The following RAD51B variants were observed in gnomAD, a reference collection of about 807,000 sequenced individuals.
The protein encoded by RAD51B is RAD51 paralog B.
RAD51B carries 38 observed loss-of-function variants against 42.2 expected under a neutral mutation model. That is an observed-to-expected ratio of 0.90 (90% CI 0.70 to 1.18). RAD51B has a LOEUF of 1.18. Among genes scored for constraint, RAD51B ranks in the 50% most tolerant of loss-of-function variants. The pLI is 0.00. For synonymous variants in RAD51B, 154 were observed against 145.2 expected (o/e 1.06, Z -0.43); for missense variants, 373 against 400.7 (o/e 0.93, Z 0.59).
rs962414262 is a variant in RAD51B, at chr14:67,861,903, G to T, written c.316-3100G>T. Among the ~76,000 whole-genome samples, 4 of 151,314 alleles carry T rather than the reference G, an allele frequency of 2.6e-5. No individual in the cohort carries two copies. In the South Asian group the frequency reaches 8.3e-4, roughly 31 times the overall value. On this transcript the variant is annotated intron_variant, in intron 4 of 10. Coordinates refer to ENST00000471583, the MANE Select transcript of RAD51B (RefSeq NM_133510.4). The stretch of plus-strand genomic sequence containing the variant: ...ATGTGTGTCTTATGAAAATTTATCT[G>T]CACTCTTAAAAAATACTTGGAAAAA...
At chr14:68,331,098 T>A (rs546987690) in intron 8 of RAD51B, among the ~76,000 whole-genome samples, 12 of 152,024 alleles carry the variant, frequency 7.9e-5, no homozygotes, top group Non-Finnish European at 1.3e-4. Context: ...GCGCGGTGGC[T>A]CACGCCTGTA....
rs1882834760 is a variant in RAD51B, at chr14:68,477,862, G to A, written c.*198G>A. On this transcript the variant is annotated 3_prime_UTR_variant, in exon 11 of 11. Transcript: ENST00000471583. ...TAGCAGGGAAGGTGAAGATGAAGAA[G>A]CCTTTGTTCAGGTCTCTAGATGTGT... 1 of 1,422,566 alleles carries A rather than the reference G, an allele frequency of 7.0e-7. No homozygotes were observed. The highest frequency in any genetic ancestry group is 9.2e-7 in the Non-Finnish European group (1 of 1,090,384). 88.1% of individuals were successfully genotyped at this position (1,422,566 alleles called of 1,614,324 possible). A position where few individuals can be genotyped will look rare whatever the true frequency, so the allele number is the denominator to read the frequency against.
At chr14:68,101,849 TC>T (rs1448816293) in intron 7 of RAD51B, among the ~76,000 whole-genome samples, 1 of 152,238 alleles carries the variant, frequency 6.6e-6, no homozygotes, top group Non-Finnish European at 1.5e-5. Context: ...ACCCGACATT[TC>T]CCTTCTGCAC....
At chr14:67,852,925 T>C (rs2041874565) in intron 4 of RAD51B, among the ~76,000 whole-genome samples, 1 of 152,238 alleles carries the variant, frequency 6.6e-6, no homozygotes, top group Admixed American at 6.5e-5. Context: ...ATGATTATTA[T>C]ATGTTATATG....
chr14:68,488,112 T>G (rs889389732), intron 10 of RAD51B, among the ~76,000 whole-genome samples: 20 of 151,516 alleles, frequency 1.3e-4, no homozygotes, highest in Admixed American at 6.6e-5. Context: ...GGTTATTACA[T>G]GGAAAGACAA....
chr14:68,551,133 C>T (rs1409450287), intron 10 of RAD51B, among the ~76,000 whole-genome samples: 1 of 152,180 alleles, frequency 6.6e-6, no homozygotes, highest in East Asian at 1.9e-4. Context: ...CCTCAGCACT[C>T]ACTACCCAGT....
intron 8 of RAD51B, among the ~76,000 whole-genome samples, chr14:68,299,765 T>C (rs2081687190): frequency 1.3e-5 from 2 of 152,208 alleles, no homozygotes; most frequent in African/African-American, 2.4e-5. Flanking sequence ...TTTGTAAGGA[T>C]ACAATTGAGA....
intron 7 of RAD51B, among the ~76,000 whole-genome samples, chr14:67,891,227 A>G (rs1332057310): frequency 1.3e-5 from 2 of 152,156 alleles, no homozygotes; most frequent in African/African-American, 2.4e-5. Flanking sequence ...AGGTTTATGG[A>G]GATAAATTTG....
chr14:68,545,896 C>A (rs2140374753), intron 10 of RAD51B, among the ~76,000 whole-genome samples: 1 of 152,268 alleles, frequency 6.6e-6, no homozygotes, highest in African/African-American at 2.4e-5. Flanking sequence ...AATGAGGAGC[C>A]TCTGAAGGTC....
intron 7 of RAD51B, among the ~76,000 whole-genome samples, chr14:67,937,128 G>A (rs1423060603): frequency 1.3e-5 from 2 of 152,170 alleles, no homozygotes; most frequent in African/African-American, 4.8e-5. Flanking sequence ...AGAAGGATTT[G>A]CAGTAGGGTG....
intron 7 of RAD51B, among the ~76,000 whole-genome samples, chr14:67,912,881 T>G (rs1366301816): frequency 1.3e-5 from 2 of 152,130 alleles, no homozygotes; most frequent in East Asian, 3.9e-4. Context: ...AATTTTTGTA[T>G]TTTTAGTGGA....
intron 7 of RAD51B, among the ~76,000 whole-genome samples, chr14:67,896,135 T>G (rs1338881733): frequency 6.6e-6 from 1 of 152,214 alleles, no homozygotes; most frequent in Non-Finnish European, 1.5e-5. Flanking sequence ...TATTGAATAG[T>G]GTCATATATT....
At chr14:68,210,582 G>T (rs1460654925) in intron 7 of RAD51B, among the ~76,000 whole-genome samples, 1 of 152,060 alleles carries the variant, frequency 6.6e-6, no homozygotes, top group Non-Finnish European at 1.5e-5. Context: ...AGTGAATTCT[G>T]CATGAGCTCT....
intron 9 of RAD51B, among the ~76,000 whole-genome samples, chr14:68,440,477 G>A (rs972153348): frequency 3.9e-5 from 6 of 152,188 alleles, no homozygotes; most frequent in Non-Finnish European, 8.8e-5. Flanking sequence ...AGGCACAGTG[G>A]CTCACGCTTG....
intron 8 of RAD51B, among the ~76,000 whole-genome samples, chr14:68,307,191 C>T (rs1055178772): frequency 6.6e-6 from 1 of 152,152 alleles, no homozygotes; most frequent in African/African-American, 2.4e-5. Context: ...CTGATCCACA[C>T]ACTCTCCAGT....
chr14:68,639,414 C>T (rs1046852051), intron 10 of RAD51B, among the ~76,000 whole-genome samples: 2 of 35,730 alleles, frequency 5.6e-5, no homozygotes, highest in South Asian at 8.6e-4. Flanking sequence ...GGCATTCCAC[C>T]GGCCAGAACT....
chr14:68,128,269 T>C (rs2077813190), intron 7 of RAD51B, among the ~76,000 whole-genome samples: 1 of 152,204 alleles, frequency 6.6e-6, no homozygotes, highest in Non-Finnish European at 1.5e-5. Context: ...GCTTAGATTC[T>C]CACCCAGAGA....
At chr14:68,094,880 G>C (rs2140529276) in intron 7 of RAD51B, among the ~76,000 whole-genome samples, 1 of 152,316 alleles carries the variant, frequency 6.6e-6, no homozygotes, top group South Asian at 2.1e-4. Context: ...GACTACATCT[G>C]GTCATGCCTT....
chr14:68,003,552 T>G (rs2075524753), intron 7 of RAD51B, among the ~76,000 whole-genome samples: 1 of 152,224 alleles, frequency 6.6e-6, no homozygotes, highest in South Asian at 2.1e-4. Context: ...CTTCCAGTAC[T>G]ACATTGAATA....
Sources: allele counts gnomAD v4.1 joint callset (sites outside exome capture counted in the v4.1 genomes callset), GRCh38; gene constraint gnomAD v4.1.1; transcripts MANE v1.5; gene names NCBI Gene and HGNC (gene_info 2026-07-23, HGNC 2026-07-21).